OCM: variants seen among roughly 807,000 people sequenced by gnomAD.
OCM encodes the protein oncomodulin.
OCM carries 18 observed loss-of-function variants against 14.1 expected under a neutral mutation model. The observed-to-expected ratio is 1.28, with a 90% CI of 0.88 to 1.89. The LOEUF (loss-of-function observed/expected upper bound fraction) is 1.89, where lower values mean the gene tolerates loss of function less well. Among genes scored for constraint, OCM ranks in the 40% most tolerant of loss-of-function variants. The pLI is 0.00. For synonymous variants in OCM, 48 were observed against 51.0 expected (o/e 0.94, Z 0.25); for missense variants, 140 against 137.6 (o/e 1.02, Z -0.09).
the OCM span, among the ~76,000 whole-genome samples, chr7:5,862,148 G>A: frequency 1.7e-4 from 26 of 152,220 alleles, no homozygotes; most frequent in South Asian, 4.2e-4. Flanking sequence ...CTGAAAGTTC[G>A]TTTTAAAGAC....
At chr7:5,876,195 A>G (rs6944033), upstream of OCM, among the ~76,000 whole-genome samples, 143,124 of 152,244 alleles carry the variant, frequency 0.94, 67,373 homozygotes, top group East Asian at 1. Context: ...GTAGAGACGG[A>G]GTTTCACCAT....
intron 3 of OCM, among the ~76,000 whole-genome samples, chr7:5,884,714 T>TA (rs71008333): frequency 0.082 from 12,044 of 147,024 alleles, 520 homozygotes; most frequent in South Asian, 0.11. Context: ...AGATGCTTAT[T>TA]AAAAAAAAAA....
chr7:5,863,198 TC>T, the OCM span, among the ~76,000 whole-genome samples: 1 of 152,110 alleles, frequency 6.6e-6, no homozygotes, highest in Admixed American at 6.6e-5. Flanking sequence ...TACCCTCCCT[TC>T]CTTTATCCCT....
chr7:5,878,254 C>T (rs112800749), upstream of OCM, among the ~76,000 whole-genome samples: 7 of 151,276 alleles, frequency 4.6e-5, 1 homozygote, highest in African/African-American at 7.3e-5. Context: ...TGAGCCACTG[C>T]GCCCGGCCAG....
the OCM span, among the ~76,000 whole-genome samples, chr7:5,863,695 G>C: frequency 6.6e-6 from 1 of 152,044 alleles, no homozygotes; most frequent in African/African-American, 2.4e-5. Flanking sequence ...ACCACGCCCA[G>C]CTAATTTTTT....
chr7:5,882,182 A>G (rs1444272129), intron 1 of OCM, among the ~76,000 whole-genome samples: 1 of 149,874 alleles, frequency 6.7e-6, no homozygotes, highest in African/African-American at 2.5e-5. Flanking sequence ...CAATTAGACC[A>G]GGGATGCTGG....
intron 3 of OCM, among the ~76,000 whole-genome samples, chr7:5,885,590 G>GT (rs112720841): frequency 0.071 from 10,418 of 147,508 alleles, 408 homozygotes; most frequent in South Asian, 0.1. Context: ...GATACCCAGG[G>GT]TTTTTTTTTC....
the OCM span, among the ~76,000 whole-genome samples, chr7:5,867,163 C>G: frequency 6.6e-6 from 1 of 152,078 alleles, no homozygotes; most frequent in Non-Finnish European, 1.5e-5. Context: ...AAAAAAATTC[C>G]TCCTTGCCTT....
At position 5,886,353 on chromosome 7, in the gene OCM, G is replaced by C. The variant is rs949162767; in HGVS notation, c.*264G>C. On this transcript the variant is annotated 3_prime_UTR_variant, in exon 4 of 4. Transcript: ENST00000242104. Reference sequence around the variant, plus strand: ...TCTAAAAATCACCCAATAAAGACAGGCTTCTCATCATCTGCTGATGTGTGG... The same window carrying C: ...TCTAAAAATCACCCAATAAAGACAGCCTTCTCATCATCTGCTGATGTGTGG... 4.1e-6 allele frequency: 2 copies of C among 485,322 alleles called. No homozygotes were observed. Among genetic ancestry groups the C allele is most frequent in the African/African-American group, 3.9e-5 (2 of 51,820 alleles). The allele number at this position is 485,322 out of a possible 1,614,324, so 30.1% of individuals were successfully genotyped here. A position where few individuals can be genotyped will look rare whatever the true frequency, so the allele number is the denominator to read the frequency against.
At chr7:5,866,458 A>AGGGT in the OCM span, among the ~76,000 whole-genome samples, 1 of 50,758 alleles carries the variant, frequency 2.0e-5, no homozygotes, top group Non-Finnish European at 3.6e-5. Context: ...GAAGGAAGGG[A>AGGGT]GGGAGGGAGG....
At chr7:5,885,834 C>A (rs971444546) in intron 3 of OCM, among the ~76,000 whole-genome samples, 4 of 152,142 alleles carry the variant, frequency 2.6e-5, no homozygotes, top group African/African-American at 9.7e-5. Context: ...TGGTTTCGAT[C>A]TCATGATGTC....
upstream of OCM, among the ~76,000 whole-genome samples, chr7:5,878,783 C>G (rs1258521341): frequency 9.6e-5 from 14 of 146,416 alleles, no homozygotes; most frequent in African/African-American, 3.3e-4. Flanking sequence ...AGATTATATA[C>G]TTTATGGAAT....
intron 3 of OCM, 144 bp from the exon 4 acceptor site, chr7:5,885,920 C>G: frequency 1.6e-6 from 1 of 641,954 alleles, no homozygotes. Context: ...GTTTTTCTTT[C>G]TTTTGTGCCC....
At chr7:5,875,902 T>G (rs1445829859), upstream of OCM, among the ~76,000 whole-genome samples, 2 of 151,820 alleles carry the variant, frequency 1.3e-5, no homozygotes, top group African/African-American at 4.8e-5. Context: ...GTGGTGCAAT[T>G]GTAACTTGCA....
chr7:5,878,875 T>TAAAAAAAA (rs57901741), upstream of OCM, among the ~76,000 whole-genome samples: 1 of 102,024 alleles, frequency 9.8e-6, no homozygotes, highest in Non-Finnish European at 1.9e-5. Context: ...TGCTGAAAGT[T>TAAAAAAAA]AAAAAAAAAA....
At chr7:5,883,857 T>C in intron 2 of OCM, 33 bp from the exon 3 acceptor site, 2 of 1,612,568 alleles carry the variant, frequency 1.2e-6, no homozygotes, top group Non-Finnish European at 1.7e-6. Context: ...ATGATCTTTT[T>C]GAAAATCCCC....
chr7:5,878,239 A>G (rs930331729), upstream of OCM, among the ~76,000 whole-genome samples: 3 of 151,006 alleles, frequency 2.0e-5, no homozygotes, highest in African/African-American at 7.3e-5. Context: ...CTGGGATTAC[A>G]GGCATGAGCC....
chr7:5,868,391 C>G, the OCM span, among the ~76,000 whole-genome samples: 1 of 152,042 alleles, frequency 6.6e-6, no homozygotes, highest in African/African-American at 2.4e-5. Context: ...CAAATGGTCT[C>G]CCACATTGGC....
At chr7:5,871,354 C>CAA in the OCM span, among the ~76,000 whole-genome samples, 230 of 123,316 alleles carry the variant, frequency 1.9e-3, 2 homozygotes, top group East Asian at 0.019. Context: ...GTCCTTGTCT[C>CAA]AAAAAAAAAA....
Sources: gnomAD v4.1 joint callset for allele counts (sites outside exome capture counted in the v4.1 genomes callset) on GRCh38, gnomAD v4.1.1 for gene constraint, MANE v1.5 for transcripts, NCBI Gene and HGNC (gene_info 2026-07-23, HGNC 2026-07-21) for gene names.